C1QTNF3: variants seen among roughly 807,000 people sequenced by gnomAD.
C1QTNF3 encodes the protein complement C1q tumor necrosis factor-related protein 3.
A neutral mutation model predicts 32.6 loss-of-function variants in C1QTNF3; 26 were observed. The ratio of observed to expected loss-of-function variants is 0.80; its 90% CI spans 0.58 to 1.11. C1QTNF3 has a LOEUF of 1.11. Among genes scored for constraint, C1QTNF3 ranks in the 50% least tolerant of loss-of-function variants. The probability of loss-of-function intolerance (pLI) is 0.00; values close to 1 mark genes in which losing one functional copy is unlikely to be tolerated. For synonymous variants in C1QTNF3, 155 were observed against 146.0 expected, an observed-to-expected ratio of 1.06 and a Z score of -0.44; for missense variants, 362 against 398.2, an observed-to-expected ratio of 0.91 and a Z score of 0.77.
intron 1 of C1QTNF3, among the ~76,000 whole-genome samples, chr5:34,038,284 G>A (rs1177474115): frequency 1.3e-5 from 2 of 152,182 alleles, no homozygotes; most frequent in Admixed American, 1.3e-4. Flanking sequence ...AGCACAGGGA[G>A]GATGGAAGGC....
At chr5:34,229,118 C>T in the C1QTNF3 span, among the ~76,000 whole-genome samples, 3 of 152,244 alleles carry the variant, frequency 2.0e-5, no homozygotes, top group African/African-American at 7.2e-5. Context: ...CTTATGCCTA[C>T]AGCAGAACAG....
At chr5:34,231,324 A>G in the C1QTNF3 span, among the ~76,000 whole-genome samples, 1 of 152,186 alleles carries the variant, frequency 6.6e-6, no homozygotes, top group Non-Finnish European at 1.5e-5. Flanking sequence ...GCATCAACAT[A>G]GATATTTTTT....
the C1QTNF3 span, among the ~76,000 whole-genome samples, chr5:34,181,920 T>C: frequency 3.6e-4 from 54 of 151,730 alleles, no homozygotes; most frequent in African/African-American, 1.3e-3. Flanking sequence ...AGGTGGCTCA[T>C]GCCTGGAATC....
rs866664119 is a variant in C1QTNF3 at position 34,018,040 on chromosome 5, A to G, written c.*2543T>C. 6.6e-6 allele frequency among the ~76,000 whole-genome samples: 1 copy of G among 151,966 alleles called. No individual in the cohort carries two copies. Among genetic ancestry groups the G allele is most frequent in the African/African-American group, 2.4e-5 (1 of 41,416 alleles). On this transcript the variant is annotated 3_prime_UTR_variant, in exon 6 of 6. Transcript: ENST00000382065. ...GTTCTTAATATGTTTAGTCCAACCCATTAGAGCAAGATACAAAAATATATA... is the reference window on the plus strand; with the variant it reads ...GTTCTTAATATGTTTAGTCCAACCCGTTAGAGCAAGATACAAAAATATATA...
the C1QTNF3 span, among the ~76,000 whole-genome samples, chr5:34,224,416 A>C: frequency 7.4e-6 from 1 of 134,368 alleles, no homozygotes; most frequent in African/African-American, 2.6e-5. Flanking sequence ...ACAAGGCTAC[A>C]GTAACCAAAA....
chr5:34,103,211 C>T, the C1QTNF3 span, among the ~76,000 whole-genome samples: 7 of 152,138 alleles, frequency 4.6e-5, no homozygotes, highest in East Asian at 1.9e-4. Flanking sequence ...CTGGGTTTTG[C>T]TGTTGTTATC....
chr5:34,042,553 C>A (rs1338907190), intron 1 of C1QTNF3, among the ~76,000 whole-genome samples: 2 of 152,136 alleles, frequency 1.3e-5, no homozygotes, highest in Non-Finnish European at 2.9e-5. Context: ...TAGCAGGAAG[C>A]TGGCTGGCCA....
At chr5:34,132,467 A>ATG in the C1QTNF3 span, among the ~76,000 whole-genome samples, 1 of 136,450 alleles carries the variant, frequency 7.3e-6, no homozygotes, top group South Asian at 2.4e-4. Context: ...ATATATATAT[A>ATG]TGGTGTAGCA....
chr5:34,029,952 A>C (rs927881614), intron 3 of C1QTNF3, among the ~76,000 whole-genome samples: 11 of 152,248 alleles, frequency 7.2e-5, no homozygotes, highest in Admixed American at 7.2e-4. Context: ...TGTTAACAGT[A>C]ATCATCTCTT....
In C1QTNF3 at chr5:34,020,497, A is replaced by G; in HGVS notation, c.*86T>C. The G allele has an allele frequency of 6.7e-7, 1 of 1,486,470 alleles. No homozygotes were observed. The highest frequency in any genetic ancestry group is 9.2e-7 in the Non-Finnish European group (1 of 1,091,934). The allele number at this position is 1,486,470 out of a possible 1,614,324, so 92.1% of individuals were successfully genotyped here. On this transcript the variant is annotated 3_prime_UTR_variant, in exon 6 of 6. Coordinates refer to ENST00000382065, the MANE Select transcript of C1QTNF3 (RefSeq NM_181435.6). ...TAATTTTTTGAATACAGCAATGTAA[A>G]ACCCTCAACTTTAATGTTCCTCAGA...
the C1QTNF3 span, among the ~76,000 whole-genome samples, chr5:34,057,454 A>G: frequency 3.3e-5 from 5 of 152,190 alleles, no homozygotes; most frequent in Admixed American, 3.3e-4. Flanking sequence ...AAATAGATTG[A>G]GGATAGACAA....
chr5:34,128,382 G>A, the C1QTNF3 span, among the ~76,000 whole-genome samples: 11 of 152,344 alleles, frequency 7.2e-5, no homozygotes, highest in East Asian at 2.1e-3. Context: ...CTCACACAGA[G>A]TTCCCACTGG....
the C1QTNF3 span, among the ~76,000 whole-genome samples, chr5:34,116,546 T>C: frequency 6.6e-5 from 8 of 120,890 alleles, no homozygotes; most frequent in Admixed American, 3.3e-4. Context: ...ATCTATTGAC[T>C]CTTAGCATTA....
chr5:34,117,110 G>T, the C1QTNF3 span, among the ~76,000 whole-genome samples: 364 of 151,956 alleles, frequency 2.4e-3, 4 homozygotes, highest in African/African-American at 8.5e-3. Flanking sequence ...TGTTGTAACT[G>T]ATATGTGGGA....
chr5:34,231,806 G>A, the C1QTNF3 span, among the ~76,000 whole-genome samples: 26 of 149,150 alleles, frequency 1.7e-4, no homozygotes, highest in Non-Finnish European at 3.9e-4. Context: ...CTAGGGCAGT[G>A]CAGAGGGAAA....
At chr5:34,092,255 A>G in the C1QTNF3 span, among the ~76,000 whole-genome samples, 2 of 151,904 alleles carry the variant, frequency 1.3e-5, no homozygotes, top group African/African-American at 4.8e-5. Context: ...GCAATTTTCC[A>G]AATAGTTGCA....
the C1QTNF3 span, among the ~76,000 whole-genome samples, chr5:34,105,312 C>T: frequency 1.3e-5 from 2 of 152,020 alleles, no homozygotes; most frequent in South Asian, 4.2e-4. Context: ...ATGCTATTTC[C>T]CCCTATGTGA....
chr5:34,218,172 T>C, the C1QTNF3 span: 2 of 152,492 alleles, frequency 1.3e-5, no homozygotes, highest in African/African-American at 4.8e-5. Context: ...ATATATCGTT[T>C]ATTTATTGTT....
Position 34,042,827 on chromosome 5 carries a change from C to A in C1QTNF3, c.299G>T (p.Gly100Val). 5 of 1,610,494 alleles carry A rather than the reference C, an allele frequency of 3.1e-6. No homozygotes were observed. Among genetic ancestry groups the A allele is most frequent in the Non-Finnish European group, 4.2e-6 (5 of 1,177,588 alleles). ...DDLAQITTFW[G>V]QSPQTGGLPP... The stretch of plus-strand genomic sequence containing the variant: ...TTAGAAGAGAATTCTGAGTACCTGG[C>A]CCCAGAATGTGGTGATCTGGGCTAG... The change falls in exon 1 of 6, where the codon GGC (glycine) becomes GTC (valine). Residue 100 changes from glycine to valine, a missense_variant. Physicochemically the swap from Gly to Val is moderately radical, Grantham distance 109. Transcript: ENST00000382065.
Sources: allele counts gnomAD v4.1 joint callset (sites outside exome capture counted in the v4.1 genomes callset), GRCh38; gene constraint gnomAD v4.1.1; transcripts MANE v1.5; gene names NCBI Gene and HGNC (gene_info 2026-07-23, HGNC 2026-07-21).